FAM13A: variants seen among roughly 807,000 people sequenced by gnomAD.
FAM13A encodes family with sequence similarity 13 member A.
In FAM13A, 76 loss-of-function variants were observed where a neutral mutation model predicts 129.6. The observed-to-expected ratio is 0.59, with a 90% confidence interval of 0.49 to 0.71. The LOEUF (loss-of-function observed/expected upper bound fraction) is 0.71, where lower values mean the gene tolerates loss of function less well. FAM13A is among the 30% of genes least tolerant of loss of function. The pLI, the probability that FAM13A is intolerant of heterozygous loss-of-function variation, is 0.00. For synonymous variants in FAM13A, 443 were observed against 449.9 expected, an observed-to-expected ratio of 0.98 and a Z score of 0.20; for missense variants, 1,108 against 1,249.3, an observed-to-expected ratio of 0.89 and a Z score of 1.70.
At chr4:88,893,308 C>CA (rs1426323991) in intron 6 of FAM13A, among the ~76,000 whole-genome samples, 2 of 152,168 alleles carry the variant, frequency 1.3e-5, no homozygotes, top group Non-Finnish European at 2.9e-5. Context: ...GTCCATGCTC[C>CA]ACTGTGCAGC....
intron 7 of FAM13A, among the ~76,000 whole-genome samples, chr4:88,814,392 CAGAG>C (rs146119872): frequency 3.3e-5 from 5 of 151,602 alleles, no homozygotes; most frequent in Admixed American, 2.0e-4. Context: ...ATGAGAGAGA[CAGAG>C]AGAGAGAGAA....
chr4:88,821,302 C>A, intron 7 of FAM13A, among the ~76,000 whole-genome samples: 1 of 152,070 alleles, frequency 6.6e-6, no homozygotes, highest in East Asian at 1.9e-4. Flanking sequence ...GTAAACATTG[C>A]GGCAGTGAAT....
In FAM13A at chr4:88,906,389, G is replaced by A. The variant is rs544970861; in HGVS notation, c.833C>T (p.Pro278Leu). Residue 278 changes from proline (P) to leucine (L), a missense_variant, in exon 6 of 24, where the codon CCA (proline) becomes CTA (leucine). Pro to Leu is a moderately conservative substitution (Grantham distance 98). This residue lies in a region of FAM13A where 566 missense variants were observed against 595.7 expected (regional missense o/e 0.95). Transcript: ENST00000264344. The stretch of plus-strand genomic sequence containing the variant: ...GAAAACATAGTTTACCTTGGTTTTT[G>A]GAGGTGGTTTTGGCATGTCTCTTTC... ...GLERDMPKPP[P>L]KTKIPKSRSE... The A allele has an allele frequency of 6.8e-6, 11 of 1,609,170 alleles. No individual in the cohort carries two copies. In the East Asian group the frequency reaches 2.2e-4, roughly 33 times the overall value.
At chr4:89,050,309 C>A (rs534728895) in intron 1 of FAM13A, among the ~76,000 whole-genome samples, 23 of 152,104 alleles carry the variant, frequency 1.5e-4, no homozygotes, top group African/African-American at 5.1e-4. Flanking sequence ...TTCAAGAGAT[C>A]CGCATGCATC....
At chr4:89,033,796 T>G (rs1478171588) in intron 1 of FAM13A, among the ~76,000 whole-genome samples, 5 of 152,130 alleles carry the variant, frequency 3.3e-5, no homozygotes, top group Admixed American at 1.3e-4. Flanking sequence ...TGTACATGGT[T>G]TAAAATTAAT....
chr4:88,737,390 C>T (rs571254823), intron 21 of FAM13A, 82 bp downstream of exon 21: 1 of 1,191,828 alleles, frequency 8.4e-7, no homozygotes, highest in South Asian at 1.2e-5. Flanking sequence ...CGATCACACC[C>T]CCTTTCCATT....
At chr4:88,913,499 AGAGGAAGAGGAAGAAGAG>A (rs1749532241) in intron 5 of FAM13A, among the ~76,000 whole-genome samples, 1 of 146,226 alleles carries the variant, frequency 6.8e-6, no homozygotes, top group African/African-American at 2.5e-5. Flanking sequence ...AAGAGGAGGA[AGAGGAAGAGGAAGAAGAG>A]GAGGAGGAGG....
At chr4:88,743,271 CA>C (rs377205582) in intron 19 of FAM13A, among the ~76,000 whole-genome samples, 13 of 152,240 alleles carry the variant, frequency 8.5e-5, no homozygotes, top group African/African-American at 2.6e-4. Flanking sequence ...GAACAGAAAT[CA>C]AAAAGGCCTG....
chr4:88,923,397 C>T (rs1382941673), intron 5 of FAM13A, among the ~76,000 whole-genome samples: 2 of 152,172 alleles, frequency 1.3e-5, no homozygotes, highest in African/African-American at 2.4e-5. Flanking sequence ...GCTGGTTCAA[C>T]AAACGCAAAT....
At position 89,056,935 on chromosome 4, in the gene FAM13A, T is replaced by C. The variant is rs772437012; in HGVS notation, c.27+3A>G. 3 of 1,613,190 alleles carry C rather than the reference T, an allele frequency of 1.9e-6. 1 individual carries two copies. The highest frequency in any genetic ancestry group is 2.2e-5 in the East Asian group (1 of 44,834). ...CAGAAGACAGAAGAAGGCCTATACT[T>C]ACACAGATGGCTAGAGCTCCTGCCC... is the stretch of plus-strand genomic sequence containing the variant. On this transcript the variant is annotated splice_donor_region_variant and intron_variant, in intron 1 of 23. Coordinates refer to ENST00000264344, the MANE Select transcript of FAM13A (RefSeq NM_014883.4).
At chr4:89,019,797 TG>T (rs1767005725) in intron 3 of FAM13A, among the ~76,000 whole-genome samples, 1 of 149,050 alleles carries the variant, frequency 6.7e-6, no homozygotes, top group Non-Finnish European at 1.5e-5. Context: ...TTCTTTCATA[TG>T]AAATCACTTA....
chr4:88,930,593 C>T (rs767639455), intron 5 of FAM13A, among the ~76,000 whole-genome samples: 19 of 152,034 alleles, frequency 1.2e-4, no homozygotes, highest in Non-Finnish European at 2.5e-4. Context: ...ATTAAGTGTC[C>T]CTGTTTTTAG....
intron 13 of FAM13A, among the ~76,000 whole-genome samples, chr4:88,761,717 T>C (rs558315671): frequency 4.6e-5 from 7 of 152,006 alleles, no homozygotes; most frequent in Admixed American, 1.3e-4. Flanking sequence ...AAAGGCCTCA[T>C]ATGCCAGGCT....
intron 7 of FAM13A, among the ~76,000 whole-genome samples, chr4:88,849,509 C>T (rs1425262891): frequency 6.6e-6 from 1 of 152,202 alleles, no homozygotes; most frequent in Non-Finnish European, 1.5e-5. Flanking sequence ...TACAGACTTT[C>T]TCCCCCTCCT....
chr4:88,799,827 A>G (rs758038152), intron 8 of FAM13A, among the ~76,000 whole-genome samples: 6 of 152,242 alleles, frequency 3.9e-5, no homozygotes, highest in Non-Finnish European at 8.8e-5. Flanking sequence ...AAATGAAAGC[A>G]AGGACTTGGA....
intron 4 of FAM13A, among the ~76,000 whole-genome samples, chr4:88,942,353 G>A (rs893984188): frequency 3.9e-5 from 6 of 151,944 alleles, no homozygotes; most frequent in Non-Finnish European, 5.9e-5. Context: ...GATCACCTGA[G>A]GTTAGGAGTT....
chr4:88,734,020 T>C (rs1483876313), intron 21 of FAM13A, among the ~76,000 whole-genome samples: 1 of 152,134 alleles, frequency 6.6e-6, no homozygotes, highest in Non-Finnish European at 1.5e-5. Context: ...AAATAGCAAA[T>C]AGATTTTCAA....
intron 6 of FAM13A, among the ~76,000 whole-genome samples, chr4:88,859,021 G>T (rs1474011253): frequency 6.6e-6 from 1 of 152,168 alleles, no homozygotes; most frequent in Non-Finnish European, 1.5e-5. Context: ...AGTAGGGATT[G>T]ATTAGAGTGG....
intron 4 of FAM13A, among the ~76,000 whole-genome samples, chr4:88,983,721 C>T (rs546784537): frequency 9.2e-5 from 14 of 152,200 alleles, no homozygotes; most frequent in African/African-American, 3.4e-4. Flanking sequence ...GCAATAGAGT[C>T]CTCTCCAAAT....
Sources: gnomAD v4.1 joint callset for allele counts (sites outside exome capture counted in the v4.1 genomes callset) on GRCh38, gnomAD v4.1.1 for gene constraint, gnomAD v4.1.1 regional missense constraint, MANE v1.5 for transcripts, NCBI Gene and HGNC (gene_info 2026-07-23, HGNC 2026-07-21) for gene names.